Variants in RORA observed in about 807,000 individuals in gnomAD.
The protein encoded by RORA is nuclear receptor ROR-alpha.
A neutral mutation model predicts 69.5 loss-of-function variants in RORA; 7 were observed. The ratio of observed to expected loss-of-function variants is 0.10; its 90% CI spans 0.06 to 0.19. The LOEUF is 0.19. RORA is among the 10% of genes least tolerant of loss of function. RORA has a pLI of 1.00. For synonymous variants in RORA, 261 were observed against 240.8 expected, an observed-to-expected ratio of 1.08 and a Z score of -0.78; for missense variants, 457 against 663.0, an observed-to-expected ratio of 0.69 and a Z score of 3.41.
At chr15:61,215,031 A>AGTTTTTTTTTTTTTTTT (rs1491564825) in intron 1 of RORA, among the ~76,000 whole-genome samples, 1 of 80,626 alleles carries the variant, frequency 1.2e-5, no homozygotes. Context: ...CGCCCAGCTA[A>AGTTTTTTTTTTTTTTTT]TTTTTTTTTT....
At chr15:60,712,556 G>C (rs1394952331) in intron 1 of RORA, among the ~76,000 whole-genome samples, 1 of 152,174 alleles carries the variant, frequency 6.6e-6, no homozygotes, top group Non-Finnish European at 1.5e-5. Flanking sequence ...GACAGCTTAA[G>C]GTATCCACCT....
intron 2 of RORA, among the ~76,000 whole-genome samples, chr15:60,612,661 G>GTTTTTTTTTTTTT (rs71122864): frequency 2.8e-5 from 3 of 107,168 alleles, no homozygotes; most frequent in African/African-American, 6.6e-5. Context: ...CTCTCTCTCT[G>GTTTTTTTTTTTTT]TTTTTTTTTT....
chr15:60,936,668 C>G (rs1440830244), intron 1 of RORA, among the ~76,000 whole-genome samples: 1 of 152,238 alleles, frequency 6.6e-6, no homozygotes, highest in East Asian at 1.9e-4. Flanking sequence ...CTGCCTGTGA[C>G]CATACAGTGG....
In RORA at chr15:60,494,946, A is replaced by G. The variant is rs755251637; in HGVS notation, c.*2509T>C. 4 of 152,198 alleles carry G rather than the reference A, an allele frequency of 2.6e-5. No homozygotes were observed. Among genetic ancestry groups the G allele is most frequent in the Non-Finnish European group, 4.4e-5 (3 of 68,038 alleles). 9.4% of individuals were successfully genotyped at this position (152,198 alleles called of 1,614,324 possible). A position where few individuals can be genotyped will look rare whatever the true frequency, so the allele number is the denominator to read the frequency against. ...TTCAATTAGCTTTTATTATTTCACAAATCGACACTGGAATTAGGTTTAGTT... is the reference window on the plus strand; with the variant it reads ...TTCAATTAGCTTTTATTATTTCACAGATCGACACTGGAATTAGGTTTAGTT... On this transcript the variant is annotated 3_prime_UTR_variant, in exon 11 of 11. Transcript: ENST00000335670.
intron 1 of RORA, among the ~76,000 whole-genome samples, chr15:60,988,874 A>C (rs1241013556): frequency 6.6e-6 from 1 of 150,766 alleles, no homozygotes. Context: ...CTATGATCTC[A>C]CTGTCTTTTC....
At chr15:61,227,579 G>T (rs911807919) in intron 1 of RORA, among the ~76,000 whole-genome samples, 1 of 149,900 alleles carries the variant, frequency 6.7e-6, no homozygotes. Context: ...GGCTAAGGTG[G>T]GGGGGGGGAT....
intron 1 of RORA, among the ~76,000 whole-genome samples, chr15:61,191,830 C>A (rs12441507): frequency 0.15 from 22,298 of 152,206 alleles, 2,260 homozygotes; most frequent in African/African-American, 0.27. Flanking sequence ...TTCTGAAAAT[C>A]TGATGGTTTA....
Position 60,639,902 on chromosome 15 carries a change from G to A in RORA, c.196+38755C>T, listed in dbSNP as rs545293447. 2.8e-4 allele frequency among the ~76,000 whole-genome samples: 43 copies of A among 152,300 alleles called. No homozygotes were observed. The South Asian group carries it at 8.5e-3, about 30-fold the overall frequency. ...CAATGTCATAAAGCATCAATAATTT[G>A]CAAGAAAAGGGTAGAAGGAGCCCTA... On this transcript the variant is annotated intron_variant, in intron 2 of 10. Coordinates refer to ENST00000335670, the MANE Select transcript of RORA (RefSeq NM_134261.3).
intron 1 of RORA, 68 bp downstream of exon 1, chr15:61,228,985 C>G (rs2080174891): frequency 1.1e-6 from 1 of 899,606 alleles, no homozygotes; most frequent in Middle Eastern, 5.2e-4. Context: ...GGCGCCCGCT[C>G]CCGGCCGCCC....
intron 1 of RORA, among the ~76,000 whole-genome samples, chr15:60,741,812 C>T (rs1595676356): frequency 6.6e-6 from 1 of 152,244 alleles, no homozygotes; most frequent in Middle Eastern, 3.4e-3. Flanking sequence ...AGTGGGAGGC[C>T]TCAACAACCT....
chr15:61,198,675 C>CAA (rs34291851), intron 1 of RORA, among the ~76,000 whole-genome samples: 2,283 of 139,482 alleles, frequency 0.016, 35 homozygotes, highest in African/African-American at 0.043. Flanking sequence ...TATATTCTCT[C>CAA]AAAAAAAAAA....
intron 1 of RORA, among the ~76,000 whole-genome samples, chr15:61,030,232 A>G (rs1287279983): frequency 6.6e-6 from 1 of 152,156 alleles, no homozygotes; most frequent in Non-Finnish European, 1.5e-5. Context: ...GCTATAAAGG[A>G]CCTGATTGAG....
chr15:60,805,309 G>C (rs980875419), intron 1 of RORA, among the ~76,000 whole-genome samples: 1 of 152,156 alleles, frequency 6.6e-6, no homozygotes, highest in African/African-American at 2.4e-5. Flanking sequence ...AGTCCAACAG[G>C]GCTGGGGAAT....
At chr15:60,629,492 C>A (rs117456130) in intron 2 of RORA, among the ~76,000 whole-genome samples, 3,519 of 152,270 alleles carry the variant, frequency 0.023, 57 homozygotes, top group Non-Finnish European at 0.035. Context: ...TGGCAGAGCA[C>A]ATAGTGGTTC....
At chr15:61,047,185 G>C (rs1370824279) in intron 1 of RORA, among the ~76,000 whole-genome samples, 1 of 152,218 alleles carries the variant, frequency 6.6e-6, no homozygotes, top group African/African-American at 2.4e-5. Flanking sequence ...ATGGATGAGT[G>C]GGTTCTGACC....
At chr15:60,803,272 G>A (rs1398701860) in intron 1 of RORA, among the ~76,000 whole-genome samples, 3 of 152,122 alleles carry the variant, frequency 2.0e-5, no homozygotes, top group African/African-American at 4.8e-5. Flanking sequence ...CCTGAGCTTC[G>A]GCCCCTTCGG....
intron 1 of RORA, among the ~76,000 whole-genome samples, chr15:61,173,722 C>G (rs2079604672): frequency 6.6e-6 from 1 of 152,122 alleles, no homozygotes; most frequent in African/African-American, 2.4e-5. Context: ...GTGGCGTGAC[C>G]ACGGCTCACT....
chr15:60,850,085 C>T (rs1032078792), intron 1 of RORA, among the ~76,000 whole-genome samples: 67 of 152,158 alleles, frequency 4.4e-4, no homozygotes, highest in African/African-American at 1.6e-3. Flanking sequence ...AGCTAACGCA[C>T]AGGCTGCCAA....
In RORA at chr15:60,505,303, G is replaced by T. The variant is rs140746308; in HGVS notation, c.942+205C>A. Reference sequence around the variant, plus strand: ...ATGTGTATACCTAGAAAGCACAATAGAAATTATTTGCTATTGCTGAAATTT... The same window carrying T: ...ATGTGTATACCTAGAAAGCACAATATAAATTATTTGCTATTGCTGAAATTT... On this transcript the variant is annotated intron_variant, in intron 6 of 10. Transcript: ENST00000335670. Among the ~76,000 whole-genome samples the T allele has an allele frequency of 1.1e-4, 17 of 152,304 alleles. No individual in the cohort carries two copies. The East Asian group carries it at 2.9e-3, about 26-fold the overall frequency.
Sources: gnomAD v4.1 joint callset for allele counts (sites outside exome capture counted in the v4.1 genomes callset) on GRCh38, gnomAD v4.1.1 for gene constraint, MANE v1.5 for transcripts, NCBI Gene and HGNC (gene_info 2026-07-23, HGNC 2026-07-21) for gene names.